Variants in MME observed in about 807,000 individuals in gnomAD.
MME encodes neprilysin.
Under a neutral mutation model 113.2 loss-of-function variants are expected in MME, and 98 were observed. The observed-to-expected ratio is 0.87, with a 90% CI of 0.74 to 1.02. The LOEUF is 1.02. MME is among the 50% of genes least tolerant of loss of function. The pLI is 0.00. For synonymous variants in MME, 292 were observed against 300.6 expected, an observed-to-expected ratio of 0.97 and a Z score of 0.30; for missense variants, 836 against 896.0, an observed-to-expected ratio of 0.93 and a Z score of 0.86.
rs2108155202 is a variant in MME at position 155,080,367 on chromosome 3, A to C, written c.-110A>C. On this transcript the variant is annotated 5_prime_UTR_variant, in exon 1 of 23. Coordinates refer to ENST00000360490, the MANE Select transcript of MME (RefSeq NM_007289.4). ...TGGGGAGTTATGTTTTGTTACCGAG[A>C]TCCGCGCTACCAGATTGCACCGGGG... 6.6e-6 allele frequency: 1 copy of C among 152,340 alleles called. No homozygotes were observed. Among genetic ancestry groups the C allele is most frequent in the East Asian group, 1.9e-4 (1 of 5,164 alleles). The allele number at this position is 152,340 out of a possible 1,614,324, so 9.4% of individuals were successfully genotyped here. A position where few individuals can be genotyped will look rare whatever the true frequency, so the allele number is the denominator to read the frequency against.
intron 4 of MME, 39 bp downstream of exon 4, chr3:155,115,194 CTT>C: frequency 6.2e-7 from 1 of 1,604,852 alleles, no homozygotes; most frequent in South Asian, 1.1e-5. Context: ...AGATTTCTCT[CTT>C]AATATGTTCA....
At chr3:155,049,903 G>A (rs1202447142) in intron 1 of MME, among the ~76,000 whole-genome samples, 1 of 152,052 alleles carries the variant, frequency 6.6e-6, no homozygotes, top group South Asian at 2.1e-4. Context: ...TGTCACAAGG[G>A]TTTGGTGTAC....
rs1713267978 is a variant in MME at position 155,183,204 on chromosome 3, T to G, written c.*2745T>G. On this transcript the variant is annotated 3_prime_UTR_variant, in exon 23 of 23. Coordinates refer to ENST00000360490, the MANE Select transcript of MME (RefSeq NM_007289.4). ...GCAAGCTGTCCAGAGAAAAGAGTCC[T>G]TGTTCCAGCCCTATTCTGCCACTCC... 1.3e-5 allele frequency: 2 copies of G among 152,256 alleles called. No homozygotes were observed. The highest frequency in any genetic ancestry group is 4.8e-5 in the African/African-American group (2 of 41,438). The allele number at this position is 152,256 out of a possible 1,614,324, so 9.4% of individuals were successfully genotyped here.
At chr3:155,053,815 G>A (rs1285240820) in intron 1 of MME, among the ~76,000 whole-genome samples, 1 of 152,162 alleles carries the variant, frequency 6.6e-6, no homozygotes, top group Non-Finnish European at 1.5e-5. Context: ...CAAATATAAA[G>A]GCCAGAGACA....
Position 155,140,209 on chromosome 3 carries a change from G to T in MME, c.874G>T (p.Asp292Tyr), listed in dbSNP as rs149431215. ...TCCATAGGCTACGGCTAAACCTGAA[G>T]ATCGAAATGATCCAATGCTTCTGTA... ...EIANATAKPE[D>Y]RNDPMLLYNK... Residue 292 changes from aspartate (D) to tyrosine (Y), a missense_variant, in exon 10 of 23, where the codon GAT becomes TAT. Transcript: ENST00000360490. The T allele has an allele frequency of 6.2e-7, 1 of 1,611,596 alleles. No individual in the cohort carries two copies. The highest frequency in any genetic ancestry group is 1.1e-5 in the South Asian group (1 of 90,748).
chr3:155,070,755 T>C (rs1714523126), intron 1 of MME, among the ~76,000 whole-genome samples: 2 of 152,216 alleles, frequency 1.3e-5, no homozygotes, highest in South Asian at 4.1e-4. Context: ...ACTCAGGAGT[T>C]GCTTAGAAGA....
chr3:155,112,816 T>C (rs955274965), intron 3 of MME: 2 of 152,216 alleles, frequency 1.3e-5, no homozygotes, highest in Non-Finnish European at 2.9e-5. Flanking sequence ...AGAAGACTCA[T>C]AGATGATTCA....
chr3:155,144,543 A>T, intron 14 of MME, 86 bp downstream of exon 14: 1 of 842,682 alleles, frequency 1.2e-6, no homozygotes, highest in Non-Finnish European at 2.0e-6. Context: ...AAAAAATATA[A>T]TCAAAGATTG....
chr3:155,093,876 AAAAAAAG>A (rs1438033916), intron 3 of MME, among the ~76,000 whole-genome samples: 10 of 151,640 alleles, frequency 6.6e-5, no homozygotes, highest in East Asian at 1.9e-4. Context: ...AAAAAGATTG[AAAAAAAG>A]AAAAAAGAAA....
intron 21 of MME, 102 bp downstream of exon 21, chr3:155,172,314 T>C: frequency 1.2e-6 from 1 of 864,112 alleles, no homozygotes. Flanking sequence ...TTACAGAGCA[T>C]TTGACTTGAT....
chr3:155,169,197 G>A (rs923726627), intron 20 of MME, among the ~76,000 whole-genome samples: 3 of 152,186 alleles, frequency 2.0e-5, no homozygotes, highest in Non-Finnish European at 4.4e-5. Flanking sequence ...CAGTTTTGTA[G>A]CAGGTGAAGT....
intron 3 of MME, 46 bp downstream of exon 3, chr3:155,085,140 A>AC: frequency 8.2e-7 from 1 of 1,222,266 alleles, no homozygotes; most frequent in Non-Finnish European, 1.2e-6. Flanking sequence ...CTGATGTATA[A>AC]TATTTAAAAT....
At chr3:155,163,500 A>G (rs1200420639) in intron 17 of MME, among the ~76,000 whole-genome samples, 2 of 152,200 alleles carry the variant, frequency 1.3e-5, no homozygotes, top group Non-Finnish European at 2.9e-5. Flanking sequence ...ATGGAGCTCT[A>G]GAAGGCCCCT....
At chr3:155,063,248 A>G (rs1189443922) in intron 1 of MME, among the ~76,000 whole-genome samples, 2 of 116,794 alleles carry the variant, frequency 1.7e-5, no homozygotes, top group Admixed American at 1.1e-4. Context: ...ATTATATAAT[A>G]ATATACATAT....
intron 1 of MME, among the ~76,000 whole-genome samples, chr3:155,061,252 A>T (rs896815171): frequency 3.3e-5 from 5 of 152,074 alleles, no homozygotes; most frequent in Non-Finnish European, 7.4e-5. Flanking sequence ...GGAGATAGAG[A>T]CCATCCTGGC....
chr3:155,050,691 T>C (rs1713731035), intron 1 of MME, among the ~76,000 whole-genome samples: 1 of 152,232 alleles, frequency 6.6e-6, no homozygotes, highest in African/African-American at 2.4e-5. Context: ...TGGTTTTTGC[T>C]TGTAAATTTG....
intron 20 of MME, 49 bp from the exon 21 acceptor site, chr3:155,172,068 T>C (rs199564188): frequency 1.4e-4 from 156 of 1,099,396 alleles, no homozygotes; most frequent in Non-Finnish European, 1.9e-4. Flanking sequence ...GGTTTATATA[T>C]AACCTTAGGA....
intron 8 of MME, among the ~76,000 whole-genome samples, chr3:155,125,803 C>CT (rs1413926892): frequency 6.6e-6 from 1 of 152,010 alleles, no homozygotes; most frequent in Non-Finnish European, 1.5e-5. Flanking sequence ...GGAGACAAAA[C>CT]TAATAATCTT....
chr3:155,177,275 T>G (rs1427240440), intron 22 of MME, among the ~76,000 whole-genome samples: 2 of 152,298 alleles, frequency 1.3e-5, no homozygotes, highest in African/African-American at 4.8e-5. Context: ...TGCTGATGGC[T>G]TACCCTGTCA....
Sources: gnomAD v4.1 joint callset for allele counts (sites outside exome capture counted in the v4.1 genomes callset) on GRCh38, gnomAD v4.1.1 for gene constraint, MANE v1.5 for transcripts, NCBI Gene and HGNC (gene_info 2026-07-23, HGNC 2026-07-21) for gene names.